NEBL: variants seen among roughly 807,000 people sequenced by gnomAD.
NEBL encodes LIM and SH3 protein 2.
In NEBL, 122 loss-of-function variants were observed where a neutral mutation model predicts 140.2. That is an observed-to-expected ratio of 0.87 (90% confidence interval 0.75 to 1.01). The LOEUF (loss-of-function observed/expected upper bound fraction) is 1.01, where lower values mean the gene tolerates loss of function less well. Among genes scored for constraint, NEBL ranks in the 50% least tolerant of loss-of-function variants. NEBL has a pLI of 0.00. For missense variants in NEBL, 1,365 were observed against 1,231.3 expected (o/e 1.11, Z -1.62); for synonymous variants, 436 against 398.9 (o/e 1.09, Z -1.11).
chr10:20,851,635 A>AT (rs927257403), intron 10 of NEBL, among the ~76,000 whole-genome samples: 7 of 151,138 alleles, frequency 4.6e-5, no homozygotes, highest in Non-Finnish European at 8.9e-5. Flanking sequence ...AAAAAAAAAA[A>AT]TTAGCCAGGC....
intron 2 of NEBL, among the ~76,000 whole-genome samples, chr10:21,060,997 A>C (rs1835249538): frequency 6.6e-6 from 1 of 151,974 alleles, no homozygotes; most frequent in East Asian, 1.9e-4. Flanking sequence ...AGATTTGTTG[A>C]AGTCCTAACA....
At chr10:21,279,004 G>C (rs1842958196) in intron 1 of NEBL, among the ~76,000 whole-genome samples, 1 of 152,178 alleles carries the variant, frequency 6.6e-6, no homozygotes, top group Non-Finnish European at 1.5e-5. Flanking sequence ...GCGCCATGAA[G>C]AAAGATCACA....
At chr10:21,178,498 G>A (rs1160174322), upstream of NEBL, among the ~76,000 whole-genome samples, 4 of 152,180 alleles carry the variant, frequency 2.6e-5, no homozygotes, top group African/African-American at 4.8e-5. Flanking sequence ...AGAAGAAGTC[G>A]TCATTACTAC....
intron 1 of NEBL, among the ~76,000 whole-genome samples, chr10:21,291,048 C>A (rs1429774584): frequency 6.6e-6 from 1 of 152,220 alleles, no homozygotes; most frequent in Non-Finnish European, 1.5e-5. Context: ...AGATTCCTCT[C>A]TCCTAGACCT....
rs533759375 is a variant in NEBL at position 20,821,134 on chromosome 10, A to C, written c.1963-1618T>G. Among the ~76,000 whole-genome samples the C allele has an allele frequency of 1.2e-4, 19 of 152,340 alleles. No individual in the cohort carries two copies. In the South Asian group the frequency reaches 3.9e-3, roughly 32 times the overall value. On this transcript the variant is annotated intron_variant, in intron 19 of 27. Coordinates refer to ENST00000377122, the MANE Select transcript of NEBL (RefSeq NM_006393.3). ...TAAAGCTCAAAGGGGTTACATCTGAATAGTAAATTCACATTATTGACAAAG... is the reference window on the plus strand; with the variant it reads ...TAAAGCTCAAAGGGGTTACATCTGACTAGTAAATTCACATTATTGACAAAG...
At chr10:21,242,518 C>A (rs1290362848) in intron 3 of NEBL, among the ~76,000 whole-genome samples, 1 of 152,102 alleles carries the variant, frequency 6.6e-6, no homozygotes, top group Non-Finnish European at 1.5e-5. Flanking sequence ...ATGCTTATTA[C>A]CTGGATGACA....
rs775709930 is a variant in NEBL at position 20,785,843 on chromosome 10, G to A, written c.2949C>T (p.Asn983=). The A allele has an allele frequency of 1.7e-5, 28 of 1,613,874 alleles. No homozygotes were observed. Among genetic ancestry groups the A allele is most frequent in the South Asian group, 1.1e-4 (10 of 91,078 alleles). ...TCCAGCCATCGTCAATAGGCTGCACGTTGACGATGTAGTCGCCGTCTCTAA... is the reference window on the plus strand; with the variant it reads ...TCCAGCCATCGTCAATAGGCTGCACATTGACGATGTAGTCGCCGTCTCTAA... ...VSFRDGDYIV[N]VQPIDDGWMY... Residue 983 remains asparagine (N), a synonymous_variant, in exon 28 of 28, where the codon AAC becomes AAT. Coordinates refer to ENST00000377122, the MANE Select transcript of NEBL (RefSeq NM_006393.3).
intron 2 of NEBL, among the ~76,000 whole-genome samples, chr10:21,074,636 C>G (rs1346096654): frequency 2.0e-5 from 3 of 151,764 alleles, no homozygotes; most frequent in Non-Finnish European, 4.4e-5. Flanking sequence ...CACCACCAAG[C>G]TCGGCTAATT....
intron 3 of NEBL, among the ~76,000 whole-genome samples, chr10:21,202,619 T>C (rs372858297): frequency 9.9e-5 from 15 of 151,776 alleles, no homozygotes; most frequent in Admixed American, 2.6e-4. Flanking sequence ...CCTGCCACCA[T>C]GCCCGGCTAA....
At chr10:20,963,513 G>A (rs73607560) in intron 3 of NEBL, among the ~76,000 whole-genome samples, 190 of 152,262 alleles carry the variant, frequency 1.2e-3, no homozygotes, top group African/African-American at 4.2e-3. Context: ...AAAGACAGAG[G>A]TGAAAAGAAA....
At chr10:20,941,624 G>A (rs2131569144) in intron 4 of NEBL, among the ~76,000 whole-genome samples, 1 of 150,484 alleles carries the variant, frequency 6.6e-6, no homozygotes, top group East Asian at 1.9e-4. Context: ...TATTCAAGTA[G>A]GAAAAGAGGA....
At chr10:20,977,049 C>A (rs958416102) in intron 3 of NEBL, among the ~76,000 whole-genome samples, 1 of 152,010 alleles carries the variant, frequency 6.6e-6, no homozygotes, top group African/African-American at 2.4e-5. Flanking sequence ...TAAACCTTGT[C>A]TTTTAAGCCC....
upstream of NEBL, among the ~76,000 whole-genome samples, chr10:20,902,288 C>T (rs923438029): frequency 6.6e-6 from 1 of 151,996 alleles, no homozygotes; most frequent in African/African-American, 2.4e-5. Flanking sequence ...TGCCTGTAGT[C>T]CCAGCTACTC....
intron 1 of NEBL, among the ~76,000 whole-genome samples, chr10:21,286,989 G>C (rs1378075593): frequency 6.6e-6 from 1 of 152,190 alleles, no homozygotes; most frequent in Non-Finnish European, 1.5e-5. Context: ...GTACAGACCA[G>C]AGGATTATTC....
chr10:20,829,885 T>C lies in NEBL; in HGVS notation c.1672-1251A>G, dbSNP rs565582671. ...AGCTTTCCAAGAGCAAAGCCATGTC[T>C]AGTTTTGCCTGCAAATGGGTGCTCA... On this transcript the variant is annotated intron_variant, in intron 16 of 27. Transcript: ENST00000377122. Among the ~76,000 whole-genome samples the C allele has an allele frequency of 4.3e-4, 66 of 152,202 alleles. 1 individual carries two copies. Among genetic ancestry groups the C allele is most frequent in the Non-Finnish European group, 6.6e-4 (45 of 68,038 alleles).
intron 2 of NEBL, among the ~76,000 whole-genome samples, chr10:21,142,887 T>C (rs1006023234): frequency 6.6e-6 from 1 of 152,050 alleles, no homozygotes; most frequent in African/African-American, 2.4e-5. Context: ...ACCCCCAACA[T>C]CTGTGGAAAC....
In NEBL at chr10:20,896,579, TA is replaced by T. The variant is rs367852361; in HGVS notation, c.153+378del. Among the ~76,000 whole-genome samples, 4 of 146,100 alleles carry T rather than the reference TA, an allele frequency of 2.7e-5. No homozygotes were observed. The Admixed American group carries it at 2.8e-4, about 10-fold the overall frequency. On this transcript the variant is annotated intron_variant, in intron 2 of 27. Transcript: ENST00000377122. Reference sequence around the variant, plus strand: ...GATTGTTCAGAAGGCCCCAAAATGTTAAAAAAATGACTATTCATTTAGATAG... The same window carrying T: ...GATTGTTCAGAAGGCCCCAAAATGTTAAAAAATGACTATTCATTTAGATAG...
chr10:20,826,213 G>A (rs1201061764), intron 18 of NEBL, among the ~76,000 whole-genome samples: 1 of 152,140 alleles, frequency 6.6e-6, no homozygotes, highest in Non-Finnish European at 1.5e-5. Context: ...TCATTAAAAT[G>A]ACCTAGCTCT....
chr10:21,051,106 C>T (rs1834759026), intron 2 of NEBL, among the ~76,000 whole-genome samples: 1 of 152,160 alleles, frequency 6.6e-6, no homozygotes, highest in African/African-American at 2.4e-5. Context: ...TAGAATAAAG[C>T]ACCATCCCTG....
Sources: gnomAD v4.1 joint callset for allele counts (sites outside exome capture counted in the v4.1 genomes callset) on GRCh38, gnomAD v4.1.1 for gene constraint, MANE v1.5 for transcripts, NCBI Gene and HGNC (gene_info 2026-07-23, HGNC 2026-07-21) for gene names.